Variants in NAALADL2 observed in about 807,000 individuals in gnomAD.
The protein encoded by NAALADL2 is inactive N-acetylated-alpha-linked acidic dipeptidase-like protein 2.
NAALADL2 carries 76 observed loss-of-function variants against 87.2 expected under a neutral mutation model. The observed-to-expected ratio is 0.87, with a 90% confidence interval of 0.72 to 1.05. NAALADL2 has a LOEUF of 1.05. Among genes scored for constraint, NAALADL2 ranks in the 50% least tolerant of loss-of-function variants. The pLI, the probability that NAALADL2 is intolerant of heterozygous loss-of-function variation, is 0.00. For synonymous variants in NAALADL2, 354 were observed against 331.0 expected (o/e 1.07, Z -0.75); for missense variants, 1,089 against 945.8 (o/e 1.15, Z -1.99).
At chr3:175,452,888 TTC>T (rs1482514600) in intron 6 of NAALADL2, among the ~76,000 whole-genome samples, 2 of 152,090 alleles carry the variant, frequency 1.3e-5, no homozygotes, top group Non-Finnish European at 2.9e-5. Context: ...GTAGAGTCAA[TTC>T]TCTGTTTCCT....
intron 5 of NAALADL2, among the ~76,000 whole-genome samples, chr3:175,354,110 ATTGTT>A (rs1348403236): frequency 1.3e-5 from 2 of 152,112 alleles, no homozygotes; most frequent in Non-Finnish European, 2.9e-5. Context: ...CCTTATTTCC[ATTGTT>A]TTGTTAAAAG....
intron 2 of NAALADL2, among the ~76,000 whole-genome samples, chr3:174,613,610 C>T (rs1720157549): frequency 6.6e-6 from 1 of 152,198 alleles, no homozygotes. Context: ...CTGATGTTCC[C>T]TGAAGTCCCT....
chr3:175,749,539 A>G (rs935779013), intron 12 of NAALADL2, among the ~76,000 whole-genome samples: 4 of 151,328 alleles, frequency 2.6e-5, no homozygotes, highest in South Asian at 2.1e-4. Context: ...CCAACATGGC[A>G]GAAGAGGGGA....
chr3:175,335,518 T>G (rs913451868), intron 5 of NAALADL2, among the ~76,000 whole-genome samples: 17 of 152,230 alleles, frequency 1.1e-4, no homozygotes, highest in Admixed American at 1.1e-3. Context: ...ATGAATTCTT[T>G]TATGGTTTAG....
intron 5 of NAALADL2, among the ~76,000 whole-genome samples, chr3:175,391,613 C>A (rs2149022796): frequency 6.6e-6 from 1 of 152,222 alleles, no homozygotes; most frequent in Middle Eastern, 3.4e-3. Context: ...TGAATTAAGC[C>A]TTCAGAGGAG....
intron 9 of NAALADL2, among the ~76,000 whole-genome samples, chr3:175,560,030 A>G (rs887604816): frequency 1.4e-4 from 21 of 152,126 alleles, no homozygotes; most frequent in African/African-American, 5.1e-4. Flanking sequence ...TGTTCTTTAA[A>G]TGTTTGGTAG....
intron 11 of NAALADL2, among the ~76,000 whole-genome samples, chr3:175,729,157 C>A (rs1361565836): frequency 2.6e-5 from 4 of 152,052 alleles, no homozygotes; most frequent in Admixed American, 1.3e-4. Flanking sequence ...TTTTTAACTT[C>A]TTTTTCCAAT....
chr3:174,846,193 G>A (rs1724598017), intron 3 of NAALADL2, among the ~76,000 whole-genome samples: 1 of 152,172 alleles, frequency 6.6e-6, no homozygotes. Context: ...ACTCCAATCT[G>A]ATCCCTGCAG....
chr3:175,767,187 C>A (rs79746779), intron 13 of NAALADL2, among the ~76,000 whole-genome samples: 5,747 of 151,870 alleles, frequency 0.038, 149 homozygotes, highest in South Asian at 0.11. Context: ...GCTAAAAACA[C>A]AAGACTACAG....
intron 1 of NAALADL2, among the ~76,000 whole-genome samples, chr3:175,047,372 G>A (rs1173700457): frequency 6.6e-6 from 1 of 152,040 alleles, no homozygotes; most frequent in Admixed American, 6.6e-5. Flanking sequence ...TTTAATCATG[G>A]ACTTTGATAT....
intron 4 of NAALADL2, among the ~76,000 whole-genome samples, chr3:175,266,706 T>C (rs1459630689): frequency 6.6e-6 from 1 of 151,796 alleles, no homozygotes; most frequent in African/African-American, 2.4e-5. Flanking sequence ...ACATGAGTCA[T>C]AGAATGAAAT....
At chr3:175,531,806 G>A (rs541709605) in intron 9 of NAALADL2, among the ~76,000 whole-genome samples, 72 of 152,300 alleles carry the variant, frequency 4.7e-4, no homozygotes, top group East Asian at 2.5e-3. Context: ...TTAAGCTTAC[G>A]ATAATCCACT....
intron 1 of NAALADL2, among the ~76,000 whole-genome samples, chr3:174,446,545 A>G (rs752648266): frequency 2.6e-5 from 4 of 152,178 alleles, no homozygotes; most frequent in Non-Finnish European, 5.9e-5. Context: ...CAAATAATGC[A>G]TCCCTAAGTG....
intron 1 of NAALADL2, among the ~76,000 whole-genome samples, chr3:175,003,684 T>C (rs1208018970): frequency 1.3e-5 from 2 of 152,146 alleles, no homozygotes; most frequent in Non-Finnish European, 2.9e-5. Flanking sequence ...AAGAAATAGA[T>C]ATGGAAGAAG....
intron 5 of NAALADL2, among the ~76,000 whole-genome samples, chr3:175,373,479 T>C (rs1766751954): frequency 6.6e-6 from 1 of 152,216 alleles, no homozygotes; most frequent in Non-Finnish European, 1.5e-5. Context: ...AATTCATCCA[T>C]GTTGTGTTTA....
At chr3:175,136,233 G>A (rs1729093509) in intron 2 of NAALADL2, among the ~76,000 whole-genome samples, 2 of 152,270 alleles carry the variant, frequency 1.3e-5, no homozygotes, top group Non-Finnish European at 2.9e-5. Context: ...GTACACTAAA[G>A]CTGAGACAGG....
chr3:174,610,806 C>T (rs1578309763), intron 2 of NAALADL2, among the ~76,000 whole-genome samples: 1 of 152,260 alleles, frequency 6.6e-6, no homozygotes, highest in Non-Finnish European at 1.5e-5. Flanking sequence ...CCAGCCATCC[C>T]ATTACTGGGT....
At chr3:174,631,296 CCTT>C (rs1411434457) in intron 2 of NAALADL2, among the ~76,000 whole-genome samples, 2 of 152,200 alleles carry the variant, frequency 1.3e-5, no homozygotes. Context: ...ATTACCCTAA[CCTT>C]CTCACTGTAG....
At chr3:174,567,952 C>G (rs1378217794) in intron 2 of NAALADL2, among the ~76,000 whole-genome samples, 1 of 151,630 alleles carries the variant, frequency 6.6e-6, no homozygotes, top group African/African-American at 2.4e-5. Context: ...AAAATTACCA[C>G]CTCTCTATTT....
Sources: allele counts gnomAD v4.1 joint callset (sites outside exome capture counted in the v4.1 genomes callset), GRCh38; gene constraint gnomAD v4.1.1; transcripts MANE v1.5; gene names NCBI Gene and HGNC (gene_info 2026-07-23, HGNC 2026-07-21).